DPP6: variants seen among roughly 807,000 people sequenced by gnomAD.
DPP6 encodes dipeptidyl peptidase like 6.
A neutral mutation model predicts 122.6 loss-of-function variants in DPP6; 69 were observed. The observed-to-expected ratio is 0.56, with a 90% confidence interval of 0.46 to 0.69. The LOEUF (loss-of-function observed/expected upper bound fraction) is 0.69. Among genes scored for constraint, DPP6 ranks in the 30% least tolerant of loss-of-function variants. DPP6 has a pLI of 0.00. For missense variants in DPP6, 928 were observed against 1,116.9 expected (o/e 0.83, Z 2.41); for synonymous variants, 418 against 433.1 (o/e 0.97, Z 0.43).
chr7:154,031,629 A>T (rs1286236169), intron 1 of DPP6, among the ~76,000 whole-genome samples: 1 of 151,954 alleles, frequency 6.6e-6, no homozygotes, highest in South Asian at 2.1e-4. Context: ...CTAGGCAGAC[A>T]CTCAAGCAAC....
intron 7 of DPP6, among the ~76,000 whole-genome samples, chr7:154,720,595 C>A (rs940789113): frequency 5.3e-5 from 8 of 152,208 alleles, no homozygotes; most frequent in African/African-American, 9.6e-5. Context: ...TGGCAGGGCC[C>A]CCCGGCTGCA....
the DPP6 span, among the ~76,000 whole-genome samples, chr7:153,803,308 T>C: frequency 6.7e-6 from 1 of 149,858 alleles, no homozygotes; most frequent in Non-Finnish European, 1.5e-5. Flanking sequence ...GGTGTGTGTG[T>C]GAAGGCATTT....
chr7:154,318,406 T>C (rs1211144489), intron 1 of DPP6, among the ~76,000 whole-genome samples: 1 of 152,092 alleles, frequency 6.6e-6, no homozygotes, highest in Non-Finnish European at 1.5e-5. Context: ...AGGGAAAAAG[T>C]TATTAAGCCA....
At chr7:154,139,638 A>G (rs1795746615) in intron 1 of DPP6, among the ~76,000 whole-genome samples, 1 of 151,556 alleles carries the variant, frequency 6.6e-6, no homozygotes, top group Non-Finnish European at 1.5e-5. Context: ...TCCTGTGCGG[A>G]GGGCACCACA....
At chr7:154,611,855 A>ATG (rs545017220) in intron 5 of DPP6, among the ~76,000 whole-genome samples, 2,848 of 72,402 alleles carry the variant, frequency 0.039, 27 homozygotes, top group South Asian at 0.062. Context: ...GCTTTCATAT[A>ATG]TGTGTGTGTG....
chr7:153,977,128 GTC>G (rs938815381), intron 1 of DPP6, among the ~76,000 whole-genome samples: 8 of 151,986 alleles, frequency 5.3e-5, no homozygotes, highest in African/African-American at 1.9e-4. Flanking sequence ...CTCTTTAGGA[GTC>G]TCTAGACTCC....
At chr7:153,891,925 A>G (rs1324865415) in intron 1 of DPP6, among the ~76,000 whole-genome samples, 2 of 152,112 alleles carry the variant, frequency 1.3e-5, no homozygotes, top group Non-Finnish European at 2.9e-5. Flanking sequence ...AGCCATGTTG[A>G]TCCTTGAGAA....
At chr7:154,015,782 C>T (rs1798376165) in intron 1 of DPP6, among the ~76,000 whole-genome samples, 2 of 152,296 alleles carry the variant, frequency 1.3e-5, no homozygotes, top group South Asian at 4.1e-4. Flanking sequence ...TCACTGGAAT[C>T]TCTGAAGTCA....
At chr7:154,727,585 C>T (rs1842125018) in intron 7 of DPP6, among the ~76,000 whole-genome samples, 182 bp from the exon 8 acceptor site, 1 of 152,130 alleles carries the variant, frequency 6.6e-6, no homozygotes, top group Admixed American at 6.5e-5. Context: ...TCTGATTAAT[C>T]CTTACAGGTA....
chr7:154,222,971 A>G (rs1271777420), intron 1 of DPP6, among the ~76,000 whole-genome samples: 1 of 149,082 alleles, frequency 6.7e-6, no homozygotes, highest in African/African-American at 2.6e-5. Flanking sequence ...CGTAAATGTA[A>G]TTATTGTTAA....
At chr7:154,794,473 T>A (rs1269721513) in intron 11 of DPP6, among the ~76,000 whole-genome samples, 3 of 152,200 alleles carry the variant, frequency 2.0e-5, no homozygotes, top group African/African-American at 7.2e-5. Context: ...CGCAGTTCAC[T>A]GAGTGTTGCT....
intron 1 of DPP6, among the ~76,000 whole-genome samples, chr7:154,235,885 C>T (rs1031548938): frequency 3.9e-5 from 6 of 152,128 alleles, no homozygotes; most frequent in African/African-American, 1.2e-4. Flanking sequence ...CAAAGTCTCA[C>T]CCTGTTGCCC....
At chr7:154,758,065 C>A (rs1266733526) in intron 8 of DPP6, among the ~76,000 whole-genome samples, 2 of 152,242 alleles carry the variant, frequency 1.3e-5, no homozygotes, top group African/African-American at 4.8e-5. Flanking sequence ...ACTGAATCCA[C>A]TCCCCCTTCA....
intron 8 of DPP6, among the ~76,000 whole-genome samples, chr7:154,758,518 T>C (rs1795298541): frequency 6.6e-6 from 1 of 151,906 alleles, no homozygotes; most frequent in African/African-American, 2.4e-5. Flanking sequence ...ATTACAGGCA[T>C]GCACCGCCAC....
chr7:154,821,358 C>T lies in DPP6; in HGVS notation c.1666+14246C>T, dbSNP rs1799745934. 6.6e-6 allele frequency among the ~76,000 whole-genome samples: 1 copy of T among 151,900 alleles called. No homozygotes were observed. The highest frequency in any genetic ancestry group is 2.4e-5 in the African/African-American group (1 of 41,314). On this transcript the variant is annotated intron_variant, in intron 16 of 25. Coordinates refer to ENST00000377770, the MANE Select transcript of DPP6 (RefSeq NM_130797.4). This position sits in a 1 kb window ranked among gnomAD's most constrained non-coding sequence, Gnocchi z 4.2. ...TTTTTATCTGTGCATTCATATCATCCTTATCTGCCTTCAGTCCTTTTTGCC... is the reference window on the plus strand; with the variant it reads ...TTTTTATCTGTGCATTCATATCATCTTTATCTGCCTTCAGTCCTTTTTGCC...
chr7:154,434,179 T>C (rs896160353), intron 1 of DPP6, among the ~76,000 whole-genome samples: 19 of 152,224 alleles, frequency 1.2e-4, no homozygotes, highest in Admixed American at 3.9e-4. Context: ...CTCTTGTTCC[T>C]GGTATGTGCG....
intron 5 of DPP6, among the ~76,000 whole-genome samples, chr7:154,599,494 TTTATTATTATTATTA>T (rs144958836): frequency 6.7e-6 from 1 of 149,146 alleles, no homozygotes; most frequent in African/African-American, 2.5e-5. Context: ...TGGACTTCTT[TTTATTATTATTATTA>T]TTATTATTAT....
chr7:153,990,883 C>G lies in DPP6; in HGVS notation c.51+103149C>G, dbSNP rs377412477. Reference sequence around the variant, plus strand: ...GCCAGATTTCGTTTTGAGATTTTCTCTTATTTGCTGGAAGTCTGTTCAAAT... The same window carrying G: ...GCCAGATTTCGTTTTGAGATTTTCTGTTATTTGCTGGAAGTCTGTTCAAAT... On this transcript the variant is annotated intron_variant, in intron 1 of 25. Transcript: ENST00000404039. Among the ~76,000 whole-genome samples, 9 of 152,340 alleles carry G rather than the reference C, an allele frequency of 5.9e-5. No individual in the cohort carries two copies. In the South Asian group the frequency reaches 1.9e-3, roughly 32 times the overall value.
chr7:153,778,205 C>A, the DPP6 span, among the ~76,000 whole-genome samples: 1 of 149,106 alleles, frequency 6.7e-6, no homozygotes, highest in Non-Finnish European at 1.5e-5. Context: ...CTGAGTTTTT[C>A]ATTGTGTAAG....
Sources: allele counts gnomAD v4.1 joint callset (sites outside exome capture counted in the v4.1 genomes callset), GRCh38; gene constraint gnomAD v4.1.1; non-coding constraint Gnocchi (gnomAD v3.1); transcripts MANE v1.5; gene names NCBI Gene and HGNC (gene_info 2026-07-23, HGNC 2026-07-21).